The following IQSEC1 variants were observed in gnomAD, a reference collection of about 807,000 sequenced individuals.
The protein encoded by IQSEC1 is IQ motif and SEC7 domain-containing protein 1.
Under a neutral mutation model 91.0 loss-of-function variants are expected in IQSEC1, and 31 were observed. The ratio of observed to expected loss-of-function variants is 0.34; its 90% CI spans 0.26 to 0.46. The LOEUF is 0.46. IQSEC1 is among the 20% of genes least tolerant of loss of function. The pLI, the probability that IQSEC1 is intolerant of heterozygous loss-of-function variation, is 1.00. For missense variants in IQSEC1, 1,388 were observed against 1,575.6 expected, an observed-to-expected ratio of 0.88 and a Z score of 2.02; for synonymous variants, 699 against 662.6, an observed-to-expected ratio of 1.05 and a Z score of -0.84.
At chr3:13,179,157 C>CTTCT (rs558616849) in intron 1 of IQSEC1, among the ~76,000 whole-genome samples, 303 of 152,284 alleles carry the variant, frequency 2.0e-3, no homozygotes, top group African/African-American at 6.8e-3. Context: ...TGATTAAAGC[C>CTTCT]TTCTTCCTTT....
chr3:13,109,841 G>A (rs954974193), intron 2 of IQSEC1, among the ~76,000 whole-genome samples: 3 of 151,162 alleles, frequency 2.0e-5, no homozygotes, highest in African/African-American at 7.3e-5. Flanking sequence ...TCTTTATAGC[G>A]GTGCAAGAAT....
chr3:13,051,288 C>T (rs1704680270), intron 1 of IQSEC1, among the ~76,000 whole-genome samples: 1 of 152,228 alleles, frequency 6.6e-6, no homozygotes, highest in South Asian at 2.1e-4. Context: ...TTCACAGCCT[C>T]CTGGGGAGGC....
intron 2 of IQSEC1, among the ~76,000 whole-genome samples, chr3:13,138,056 T>C (rs1156913704): frequency 1.3e-5 from 2 of 152,138 alleles, no homozygotes; most frequent in Non-Finnish European, 2.9e-5. Flanking sequence ...TGAACCCAGA[T>C]GAGGGCACTC....
intron 3 of IQSEC1, among the ~76,000 whole-genome samples, chr3:12,927,021 G>A (rs915070659): frequency 2.6e-5 from 4 of 152,064 alleles, no homozygotes; most frequent in Admixed American, 6.6e-5. Context: ...GCTATGATTC[G>A]GGGGTCTCCA....
chr3:13,137,120 A>G (rs1001763621), intron 2 of IQSEC1, among the ~76,000 whole-genome samples: 2 of 152,148 alleles, frequency 1.3e-5, no homozygotes, highest in Non-Finnish European at 2.9e-5. Flanking sequence ...TGGGCCACAG[A>G]GTGAGACCCT....
intron 1 of IQSEC1, among the ~76,000 whole-genome samples, chr3:12,949,402 CTG>C (rs1172059296): frequency 6.6e-6 from 1 of 152,264 alleles, no homozygotes; most frequent in African/African-American, 2.4e-5. Flanking sequence ...GAAAGCCTGT[CTG>C]TGGTTAAATG....
intron 1 of IQSEC1, among the ~76,000 whole-genome samples, chr3:12,959,807 G>C (rs991740707): frequency 6.6e-6 from 1 of 152,158 alleles, no homozygotes; most frequent in African/African-American, 2.4e-5. Context: ...TTCTACTTTT[G>C]TACGTTGCAC....
intron 2 of IQSEC1, among the ~76,000 whole-genome samples, chr3:13,090,434 G>A (rs1450757223): frequency 1.3e-5 from 2 of 152,172 alleles, no homozygotes; most frequent in African/African-American, 4.8e-5. Context: ...ATGAATGATT[G>A]CAATCTGAGC....
intron 1 of IQSEC1, among the ~76,000 whole-genome samples, chr3:13,268,152 C>G (rs1282491558): frequency 6.6e-6 from 1 of 152,232 alleles, no homozygotes; most frequent in East Asian, 1.9e-4. Context: ...CACCCCTGAG[C>G]AGAGCCCAAG....
intron 1 of IQSEC1, among the ~76,000 whole-genome samples, chr3:13,065,266 CT>C (rs1411583675): frequency 1.3e-5 from 2 of 152,212 alleles, no homozygotes; most frequent in African/African-American, 4.8e-5. Flanking sequence ...TGAGGGAGCA[CT>C]TCAATGATGA....
Position 12,936,354 on chromosome 3 carries a change from G to A in IQSEC1, c.662C>T (p.Ala221Val), listed in dbSNP as rs1698198196. Residue 221 changes from alanine (A) to valine (V), a missense_variant, in exon 3 of 14, where the codon GCC becomes GTC. By Grantham distance (64) the Ala-to-Val change is moderately conservative (BLOSUM62 0). Transcript: ENST00000613206. ...GAAGGCGTCCTCCAGCTCGGTGATG[G>A]CGTCCGCAAAGTCACTGGAGGGGGC... is the stretch of plus-strand genomic sequence containing the variant. Reference protein sequence around the residue: ...SPAPSSDFADAITELEDAFSR... With the variant: ...SPAPSSDFADVITELEDAFSR... 1.2e-6 allele frequency: 2 copies of A among 1,605,238 alleles called. No individual in the cohort carries two copies. Among genetic ancestry groups the A allele is most frequent in the East Asian group, 2.2e-5 (1 of 44,698 alleles).
In IQSEC1 at chr3:13,200,307, G is replaced by A. The variant is rs144486665; in HGVS notation, c.273-36174C>T. 7.9e-3 allele frequency among the ~76,000 whole-genome samples: 1,202 copies of A among 151,674 alleles called. 9 individuals carry two copies. The highest frequency in any genetic ancestry group is 0.015 in the South Asian group (73 of 4,798). On this transcript the variant is annotated intron_variant, in intron 1 of 15. Coordinates refer to the IQSEC1 transcript ENST00000648114. The stretch of plus-strand genomic sequence containing the variant: ...TACTCCCCCCCCTTATCATTTATAA[G>A]CAGTTACTGAGTTGTTTCAACTATG...
At position 12,924,739 on chromosome 3, in the gene IQSEC1, C is replaced by A. The variant is rs1157778151; in HGVS notation, c.1572G>T (p.Lys524Asn). Residue 524 changes from lysine (K) to asparagine (N), a missense_variant, in exon 4 of 14, where the codon AAG becomes AAT. Physicochemically the swap from Lys to Asn is moderately conservative, Grantham distance 94. Around this residue, in one of 2 missense-constraint regions of IQSEC1, gnomAD observed 1,059 missense variants for 1,317.8 expected, o/e 0.80. Coordinates refer to ENST00000613206, the MANE Select transcript of IQSEC1 (RefSeq NM_001134382.3). The surrounding 1 kb of genome is among the most constrained non-coding windows in gnomAD (Gnocchi z 6.3). ...TGAGGTACTGGACTCCCTTCTCAGG[C>A]TTCCTGGGGTAGGACGAGAGGCACA... Reference protein sequence around the residue: ...YRIGLNLFNKKPEKGVQYLIE... With the variant: ...YRIGLNLFNKNPEKGVQYLIE... The A allele has an allele frequency of 6.4e-7, 1 of 1,570,264 alleles. No homozygotes were observed. Among genetic ancestry groups the A allele is most frequent in the South Asian group, 1.2e-5 (1 of 86,390 alleles).
intron 1 of IQSEC1, among the ~76,000 whole-genome samples, chr3:13,021,842 G>A (rs1333512878): frequency 6.6e-5 from 10 of 152,122 alleles, no homozygotes; most frequent in Admixed American, 5.9e-4. Context: ...CCGAACGTGT[G>A]CTCTGGATCC....
Position 12,936,936 on chromosome 3 carries a change from C to CTTT in IQSEC1, c.319-242_319-240dup, listed in dbSNP as rs1163135062. ...ACCATGTTTTTCCTCTCTCAGACCT[C>CTTT]TTTTTTTTTTTTTTGAGACAGAATC... On this transcript the variant is annotated intron_variant, in intron 2 of 13. Transcript: ENST00000613206. 9.0e-4 allele frequency among the ~76,000 whole-genome samples: 130 copies of CTTT among 144,266 alleles called. 1 individual carries two copies. Among genetic ancestry groups the CTTT allele is most frequent in the African/African-American group, 3.1e-3 (124 of 39,648 alleles). 94.6% of individuals were successfully genotyped at this position (144,266 alleles called of 152,430 possible). A position where few individuals can be genotyped will look rare whatever the true frequency, so the allele number is the denominator to read the frequency against.
chr3:13,030,017 T>A (rs918593862), intron 1 of IQSEC1, among the ~76,000 whole-genome samples: 4 of 152,230 alleles, frequency 2.6e-5, no homozygotes, highest in Non-Finnish European at 4.4e-5. Flanking sequence ...TTAACCAGAC[T>A]GGTCTTGAAC....
Position 12,899,008 on chromosome 3 carries a change from T to C in IQSEC1, c.*1975A>G, listed in dbSNP as rs1463719527. On this transcript the variant is annotated 3_prime_UTR_variant, in exon 14 of 14. Transcript: ENST00000613206. ...TCTTTCTGAGCAGACACCAAAGAAA[T>C]GCCACGCCAATGGGAGGACACAGGT... 4.2e-6 allele frequency: 1 copy of C among 237,928 alleles called. No homozygotes were observed. The highest frequency in any genetic ancestry group is 8.4e-6 in the Non-Finnish European group (1 of 118,474). The allele number at this position is 237,928 out of a possible 1,614,324, so 14.7% of individuals were successfully genotyped here.
chr3:13,145,341 C>T (rs1438033137), intron 2 of IQSEC1, among the ~76,000 whole-genome samples: 4 of 152,180 alleles, frequency 2.6e-5, no homozygotes, highest in African/African-American at 4.8e-5. Context: ...CTGTCTACTC[C>T]ACCCCTAACA....
chr3:13,222,559 C>T (rs1694682939), intron 1 of IQSEC1, among the ~76,000 whole-genome samples: 1 of 152,180 alleles, frequency 6.6e-6, no homozygotes, highest in African/African-American at 2.4e-5. Flanking sequence ...CCGTTTCCCA[C>T]GGCGGCTGCA....
Sources: allele counts gnomAD v4.1 joint callset (sites outside exome capture counted in the v4.1 genomes callset), GRCh38; gene constraint gnomAD v4.1.1; regional missense constraint gnomAD v4.1.1; non-coding constraint Gnocchi (gnomAD v3.1); transcripts MANE v1.5; gene names NCBI Gene and HGNC (gene_info 2026-07-23, HGNC 2026-07-21).